SERF1A: variants seen among roughly 807,000 people sequenced by gnomAD.
The protein encoded by SERF1A is small EDRK-rich factor 1A.
downstream of SERF1A, among the ~76,000 whole-genome samples, chr5:70,912,055 A>ACT (rs1373795637): frequency 1.6e-3 from 50 of 30,386 alleles, 1 homozygote; most frequent in African/African-American, 5.3e-3. Context: ...ACACACACAC[A>ACT]CACTCTCTCT....
downstream of SERF1A, among the ~76,000 whole-genome samples, chr5:70,912,057 A>ACACACACACACTCT (rs1184160284): frequency 4.0e-3 from 74 of 18,608 alleles, no homozygotes; most frequent in African/African-American, 0.013. Flanking sequence ...ACACACACAC[A>ACACACACACACTCT]CTCTCTCTCT....
At chr5:70,909,664 CTCTTT>C (rs1435448812), downstream of SERF1A, among the ~76,000 whole-genome samples, 3 of 74,170 alleles carry the variant, frequency 4.0e-5, no homozygotes, top group African/African-American at 1.4e-4. Context: ...ATGCTTTAAG[CTCTTT>C]TCTTTGCCTT....
downstream of SERF1A, among the ~76,000 whole-genome samples, chr5:70,912,057 A>ACACACACACTCT (rs1184160284): frequency 2.7e-3 from 50 of 18,606 alleles, 3 homozygotes; most frequent in African/African-American, 9.2e-3. Flanking sequence ...ACACACACAC[A>ACACACACACTCT]CTCTCTCTCT....
chr5:70,912,057 A>ACACT (rs1184160284), downstream of SERF1A, among the ~76,000 whole-genome samples: 56 of 18,604 alleles, frequency 3.0e-3, 2 homozygotes, highest in African/African-American at 0.01. Context: ...ACACACACAC[A>ACACT]CTCTCTCTCT....
chr5:70,913,132 G>GGAGGCT (rs1749152551), intron 2 of SERF1A, among the ~76,000 whole-genome samples: 1 of 144,734 alleles, frequency 6.9e-6, no homozygotes, highest in Non-Finnish European at 1.5e-5. Context: ...CAGCACTTTG[G>GGAGGCT]GAGGCTGAGG....
intron 2 of SERF1A, among the ~76,000 whole-genome samples, chr5:70,904,556 CTTT>C (rs754215373): frequency 2.4e-5 from 1 of 41,698 alleles, no homozygotes. Context: ...TAGGTTATGC[CTTT>C]TTTTTTTTTT....
downstream of SERF1A, among the ~76,000 whole-genome samples, chr5:70,912,057 A>ACACACACACACACT (rs1184160284): frequency 9.7e-4 from 18 of 18,606 alleles, no homozygotes; most frequent in African/African-American, 3.5e-3. Flanking sequence ...ACACACACAC[A>ACACACACACACACT]CTCTCTCTCT....
At position 70,904,804 on chromosome 5, in the gene SERF1A, C is replaced by T. The variant is rs1202105316; in HGVS notation, c.116+2871C>T. Among the ~76,000 whole-genome samples, 6 of 57,432 alleles carry T rather than the reference C, an allele frequency of 1.0e-4. 3 individuals carry two copies. Among genetic ancestry groups the T allele is most frequent in the Admixed American group, 9.3e-4 (4 of 4,282 alleles). 37.7% of individuals were successfully genotyped at this position (57,432 alleles called of 152,430 possible). ...CTGACCTCAAGTGATCCACCCGCCT[C>T]GGCCTCCCAAAGTGCTGGGATTACA... On this transcript the variant is annotated intron_variant, in intron 2 of 2. Transcript: ENST00000317633.
downstream of SERF1A, among the ~76,000 whole-genome samples, chr5:70,912,055 A>T (rs62372672): frequency 1.9e-3 from 58 of 30,292 alleles, 4 homozygotes; most frequent in African/African-American, 3.6e-3. Flanking sequence ...ACACACACAC[A>T]CACTCTCTCT....
At chr5:70,905,147 G>A (rs1339546168) in intron 2 of SERF1A, 1 of 186,402 alleles carries the variant, frequency 5.4e-6, no homozygotes, top group Non-Finnish European at 9.1e-6. Context: ...CTTAATTTAC[G>A]GCAAAGGTCC....
chr5:70,904,392 C>CA lies in SERF1A; in HGVS notation c.116+2471dup, dbSNP rs1165296840. On this transcript the variant is annotated intron_variant, in intron 2 of 2. Transcript: ENST00000317633. Reference sequence around the variant, plus strand: ...CCTGGGCGACAGAGCGAGGCTCCGTCAAAAAAAAAAAACCTTTATGTGTAC... The same window carrying CA: ...CCTGGGCGACAGAGCGAGGCTCCGTCAAAAAAAAAAAAACCTTTATGTGTAC... Among the ~76,000 whole-genome samples, 43 of 32,078 alleles carry CA rather than the reference C, an allele frequency of 1.3e-3. 6 individuals are homozygous for CA. Among genetic ancestry groups the CA allele is most frequent in the East Asian group, 8.6e-3 (6 of 694 alleles). 21.0% of individuals were successfully genotyped at this position (32,078 alleles called of 152,430 possible).
intron 2 of SERF1A, among the ~76,000 whole-genome samples, chr5:70,913,378 CAA>C (rs878903389): frequency 8.5e-5 from 5 of 59,146 alleles, no homozygotes; most frequent in Admixed American, 2.7e-4. Context: ...GACTCTGTCT[CAA>C]AAAAAAAAAA....
intron 2 of SERF1A, among the ~76,000 whole-genome samples, chr5:70,904,799 C>T (rs1309204650): frequency 1.8e-5 from 1 of 56,880 alleles, no homozygotes; most frequent in Non-Finnish European, 3.5e-5. Flanking sequence ...GTGATCCACC[C>T]GCCTCGGCCT....
chr5:70,910,798 A>ATTTTTTTTTTTTTTT (rs1249752268), downstream of SERF1A, among the ~76,000 whole-genome samples: 1 of 20,928 alleles, frequency 4.8e-5, no homozygotes, highest in Non-Finnish European at 9.5e-5. Context: ...TATTATTATT[A>ATTTTTTTTTTTTTTT]TTTTTTTTTT....
intron 2 of SERF1A, among the ~76,000 whole-genome samples, chr5:70,913,387 A>AC (rs1749162330): frequency 6.9e-6 from 1 of 143,962 alleles, no homozygotes; most frequent in Non-Finnish European, 1.5e-5. Flanking sequence ...TCAAAAAAAA[A>AC]AAAAAAAAAA....
chr5:70,912,057 A>ACTCTCTCT (rs1554081326), downstream of SERF1A, among the ~76,000 whole-genome samples: 220 of 18,608 alleles, frequency 0.012, 7 homozygotes, highest in African/African-American at 0.042. Flanking sequence ...ACACACACAC[A>ACTCTCTCT]CTCTCTCTCT....
intron 2 of SERF1A, among the ~76,000 whole-genome samples, chr5:70,913,378 C>CAAA (rs878903389): frequency 1.1e-3 from 67 of 58,740 alleles, no homozygotes; most frequent in Admixed American, 1.6e-3. Flanking sequence ...GACTCTGTCT[C>CAAA]AAAAAAAAAA....
downstream of SERF1A, among the ~76,000 whole-genome samples, chr5:70,912,057 A>ACACACACACACTCTCT (rs1184160284): frequency 2.8e-3 from 52 of 18,596 alleles, no homozygotes; most frequent in African/African-American, 0.01. Context: ...ACACACACAC[A>ACACACACACACTCTCT]CTCTCTCTCT....
downstream of SERF1A, among the ~76,000 whole-genome samples, chr5:70,910,800 T>TATTA: frequency 3.1e-5 from 1 of 31,812 alleles, no homozygotes. Flanking sequence ...TTATTATTAT[T>TATTA]TTTTTTTTTT....
Sources: allele counts gnomAD v4.1 joint callset (sites outside exome capture counted in the v4.1 genomes callset), GRCh38; gene constraint gnomAD v4.1.1; transcripts MANE v1.5; gene names NCBI Gene and HGNC (gene_info 2026-07-23, HGNC 2026-07-21).